The following CAMSAP2 variants were observed in gnomAD, a reference collection of about 807,000 sequenced individuals.
CAMSAP2 encodes the protein calmodulin-regulated spectrin-associated protein 2.
In CAMSAP2, 26 loss-of-function variants were observed where a neutral mutation model predicts 146.1. The ratio of observed to expected loss-of-function variants is 0.18; its 90% CI spans 0.13 to 0.25. The LOEUF (loss-of-function observed/expected upper bound fraction) is 0.25, where lower values mean the gene tolerates loss of function less well. Among genes scored for constraint, CAMSAP2 ranks in the 10% least tolerant of loss-of-function variants. CAMSAP2 has a pLI of 1.00. For missense variants in CAMSAP2, 1,381 were observed against 1,759.3 expected, an observed-to-expected ratio of 0.78 and a Z score of 3.85; for synonymous variants, 499 against 596.6, an observed-to-expected ratio of 0.84 and a Z score of 2.38.
intron 2 of CAMSAP2, among the ~76,000 whole-genome samples, chr1:200,799,905 C>G (rs952861159): frequency 6.6e-6 from 1 of 151,964 alleles, no homozygotes; most frequent in Non-Finnish European, 1.5e-5. Flanking sequence ...GAACTTATTT[C>G]TGCCTTAATT....
At position 200,849,978 on chromosome 1, in the gene CAMSAP2, C is replaced by G; in HGVS notation, c.3209C>G (p.Ser1070Cys). 6.2e-7 allele frequency: 1 copy of G among 1,614,168 alleles called. No homozygotes were observed. Among genetic ancestry groups the G allele is most frequent in the Non-Finnish European group, 8.5e-7 (1 of 1,180,030 alleles). ...ATCAAACCTTTTGAGTCAACAGTCT[C>G]TGAAGTCCTATCACTGCCTGTCACA... The part of the protein sequence containing the change: ...KEIKPFESTV[S>C]EVLSLPVTET... Residue 1070 changes from serine (S) to cysteine (C), a missense_variant, in exon 11 of 17, where the codon TCT (serine) becomes TGT (cysteine). This residue lies in a region of CAMSAP2 where 560 missense variants were observed against 715.9 expected (regional missense o/e 0.78). Coordinates refer to ENST00000358823, the MANE Select transcript of CAMSAP2 (RefSeq NM_203459.4). This position sits in a 1 kb window ranked among gnomAD's most constrained non-coding sequence, Gnocchi z 6.3.
chr1:200,802,572 G>A (rs897775942), intron 2 of CAMSAP2, among the ~76,000 whole-genome samples: 39 of 152,220 alleles, frequency 2.6e-4, no homozygotes, highest in African/African-American at 8.9e-4. Flanking sequence ...CCTCATGTTT[G>A]TGATTGATTA....
At chr1:200,852,083 T>G (rs527636078) in intron 11 of CAMSAP2, among the ~76,000 whole-genome samples, 3 of 152,212 alleles carry the variant, frequency 2.0e-5, no homozygotes, top group Non-Finnish European at 2.9e-5. Context: ...TACCTCAACT[T>G]AAAATCATGC....
intron 2 of CAMSAP2, among the ~76,000 whole-genome samples, chr1:200,791,920 C>G (rs1021300891): frequency 1.2e-4 from 18 of 151,712 alleles, no homozygotes; most frequent in Non-Finnish European, 1.5e-5. Flanking sequence ...GAGCCAAGAA[C>G]ACGCCACTGC....
intron 2 of CAMSAP2, among the ~76,000 whole-genome samples, chr1:200,800,681 T>C (rs1666010657): frequency 1.3e-5 from 2 of 152,222 alleles, no homozygotes; most frequent in South Asian, 4.1e-4. Context: ...TTAATATTGT[T>C]ATGTGTGAAT....
intron 2 of CAMSAP2, among the ~76,000 whole-genome samples, chr1:200,769,658 T>C (rs1036461927): frequency 2.0e-5 from 3 of 152,306 alleles, no homozygotes; most frequent in African/African-American, 4.8e-5. Flanking sequence ...TTACATTTAC[T>C]GGTTTATTAT....
chr1:200,852,045 G>T, intron 11 of CAMSAP2, among the ~76,000 whole-genome samples: 1 of 152,166 alleles, frequency 6.6e-6, no homozygotes, highest in Admixed American at 6.5e-5. Flanking sequence ...GTTCATTATA[G>T]TTCAGAACCT....
chr1:200,782,887 G>A (rs563719533), intron 2 of CAMSAP2, among the ~76,000 whole-genome samples: 8 of 143,730 alleles, frequency 5.6e-5, no homozygotes, highest in African/African-American at 2.0e-4. Flanking sequence ...CCTGGGCTCA[G>A]GTGATTCTCC....
At chr1:200,844,330 A>G (rs1189995425) in intron 7 of CAMSAP2, among the ~76,000 whole-genome samples, 1 of 151,916 alleles carries the variant, frequency 6.6e-6, no homozygotes, top group East Asian at 2.0e-4. Context: ...CGGGCAGATC[A>G]CAAGGTCAAG....
At chr1:200,813,528 G>T (rs1187653104) in intron 3 of CAMSAP2, among the ~76,000 whole-genome samples, 1 of 152,030 alleles carries the variant, frequency 6.6e-6, no homozygotes, top group African/African-American at 2.4e-5. Context: ...AATCACTTTG[G>T]CTTTGTAGTC....
chr1:200,740,085 A>G (rs1371960637), intron 1 of CAMSAP2, 119 bp downstream of exon 1: 2 of 1,049,244 alleles, frequency 1.9e-6, no homozygotes, highest in Non-Finnish European at 2.7e-6. Context: ...AGGTTAAGGG[A>G]GATGATGGGA....
In CAMSAP2 at chr1:200,832,833, T is replaced by G. The variant is rs750899000; in HGVS notation, c.915T>G (p.Ala305=). The stretch of plus-strand genomic sequence containing the variant: ...CTCTGGAAGATATGCTCTATGCTGC[T>G]TCATCCATAAAGGTAAATTAAATTA... ...HFTLEDMLYA[A]SSIKSNYLVF... The change falls in exon 6 of 17, where the codon GCT becomes GCG. Residue 305 remains alanine, a synonymous_variant. Coordinates refer to ENST00000358823, the MANE Select transcript of CAMSAP2 (RefSeq NM_203459.4). This position sits in a 1 kb window ranked among gnomAD's most constrained non-coding sequence, Gnocchi z 4.2. 8 of 1,576,494 alleles carry G rather than the reference T, an allele frequency of 5.1e-6. No individual in the cohort carries two copies. The Admixed American group carries it at 1.6e-4, about 31-fold the overall frequency.
chr1:200,858,325 T>C lies in CAMSAP2; in HGVS notation c.*266T>C. 3.0e-6 allele frequency: 1 copy of C among 334,640 alleles called. No individual in the cohort carries two copies. Among genetic ancestry groups the C allele is most frequent in the Non-Finnish European group, 5.4e-6 (1 of 186,070 alleles). The allele number at this position is 334,640 out of a possible 1,614,324, so 20.7% of individuals were successfully genotyped here. Reference sequence around the variant, plus strand: ...TGTTATCAGGTTCACCTGCTTGATATTAGATACATTAAAGCACTGAATTTT... The same window carrying C: ...TGTTATCAGGTTCACCTGCTTGATACTAGATACATTAAAGCACTGAATTTT... On this transcript the variant is annotated 3_prime_UTR_variant, in exon 17 of 17. Transcript: ENST00000358823.
At chr1:200,826,606 T>C (rs1383010373) in intron 4 of CAMSAP2, among the ~76,000 whole-genome samples, 1 of 152,120 alleles carries the variant, frequency 6.6e-6, no homozygotes, top group East Asian at 1.9e-4. Context: ...GGAATTATCC[T>C]ACCTTGCCAG....
intron 4 of CAMSAP2, among the ~76,000 whole-genome samples, chr1:200,817,125 CGT>C (rs1171462677): frequency 7.1e-6 from 1 of 141,450 alleles, no homozygotes; most frequent in African/African-American, 2.6e-5. Context: ...TGTATATACA[CGT>C]ATATATGTGT....
intron 2 of CAMSAP2, among the ~76,000 whole-genome samples, chr1:200,803,927 TTC>T (rs1179591988): frequency 2.8e-5 from 1 of 35,270 alleles, no homozygotes; most frequent in African/African-American, 7.4e-5. Flanking sequence ...TGTTCTGTTT[TTC>T]TTTTTTTTTT....
At chr1:200,755,039 T>C (rs2102995903) in intron 1 of CAMSAP2, among the ~76,000 whole-genome samples, 1 of 152,248 alleles carries the variant, frequency 6.6e-6, no homozygotes, top group Non-Finnish European at 1.5e-5. Context: ...CTGTGTTCTT[T>C]TGACATGGCT....
chr1:200,848,637 T>C lies in CAMSAP2; in HGVS notation c.1868T>C (p.Met623Thr), dbSNP rs34958390. The change falls in exon 11 of 17, where the codon ATG becomes ACG. Residue 623 changes from methionine (M) to threonine (T), a missense_variant. Physicochemically the swap from Met to Thr is moderately conservative, Grantham distance 81. Transcript: ENST00000358823. ...CCTTCAGAAGATATTCCTGAAACTA[T>C]GGACGAAGATTCTTCGTTGAGAGAT... is the stretch of plus-strand genomic sequence containing the variant. The part of the protein sequence containing the change: ...HVPSEDIPET[M>T]DEDSSLRDYT... 9.0e-4 allele frequency: 1,445 copies of C among 1,614,132 alleles called. 2 individuals are homozygous for C. The highest frequency in any genetic ancestry group is 1.1e-3 in the Non-Finnish European group (1,301 of 1,179,994).
At chr1:200,773,657 G>C (rs1245677737) in intron 2 of CAMSAP2, among the ~76,000 whole-genome samples, 1 of 152,064 alleles carries the variant, frequency 6.6e-6, no homozygotes, top group Non-Finnish European at 1.5e-5. Context: ...CTGGGACCTG[G>C]CCTATTGTGG....
Sources: allele counts gnomAD v4.1 joint callset (sites outside exome capture counted in the v4.1 genomes callset), GRCh38; gene constraint gnomAD v4.1.1; regional missense constraint gnomAD v4.1.1; non-coding constraint Gnocchi (gnomAD v3.1); transcripts MANE v1.5; gene names NCBI Gene and HGNC (gene_info 2026-07-23, HGNC 2026-07-21).